LYPD6B: variants seen among roughly 807,000 people sequenced by gnomAD.
LYPD6B encodes the protein LY6/PLAUR domain containing 6B, also known as ly6/PLAUR domain-containing protein 6B.
In LYPD6B, 17 loss-of-function variants were observed where a neutral mutation model predicts 22.8. The observed-to-expected ratio is 0.75, with a 90% CI of 0.51 to 1.12. The LOEUF is 1.12. Ranked by LOEUF, LYPD6B falls within the 50% of genes most tolerant of loss-of-function variation. The pLI, the probability that LYPD6B is intolerant of heterozygous loss-of-function variation, is 0.00. For synonymous variants in LYPD6B, 106 were observed against 91.6 expected (o/e 1.16, Z -0.90); for missense variants, 221 against 258.3 (o/e 0.86, Z 0.99).
At chr2:149,188,822 G>A (rs548946796) in intron 3 of LYPD6B, 1 of 228,602 alleles carries the variant, frequency 4.4e-6, no homozygotes, top group East Asian at 1.8e-4. Context: ...TAGTCTAAGT[G>A]CCTTAAGACA....
At chr2:149,126,717 G>A (rs991489793) in intron 1 of LYPD6B, among the ~76,000 whole-genome samples, 6 of 152,098 alleles carry the variant, frequency 3.9e-5, no homozygotes, top group African/African-American at 1.4e-4. Context: ...CTGGGATATA[G>A]GGTGTCTCTG....
chr2:149,214,237 TAGA>T (rs1489050941), intron 6 of LYPD6B, among the ~76,000 whole-genome samples: 1 of 152,194 alleles, frequency 6.6e-6, no homozygotes, highest in East Asian at 1.9e-4. Context: ...TACAAACCTT[TAGA>T]AGATTTGTGG....
intron 2 of LYPD6B, chr2:149,131,176 G>A (rs1688006489): frequency 2.1e-6 from 1 of 481,826 alleles, no homozygotes; most frequent in Non-Finnish European, 3.6e-6. Context: ...TTGACACAAA[G>A]CTGTGTCTCA....
chr2:149,099,344 C>T (rs1186993727), intron 1 of LYPD6B, among the ~76,000 whole-genome samples: 1 of 152,154 alleles, frequency 6.6e-6, no homozygotes, highest in Non-Finnish European at 1.5e-5. Flanking sequence ...CCACTGGGGA[C>T]TGCCAGACCC....
chr2:149,112,652 G>A (rs958947005), intron 1 of LYPD6B, among the ~76,000 whole-genome samples: 2 of 152,066 alleles, frequency 1.3e-5, no homozygotes, highest in African/African-American at 4.8e-5. Context: ...GTTAGTATGA[G>A]GTTTAAGTGG....
At chr2:149,154,629 A>G (rs184522371) in intron 2 of LYPD6B, among the ~76,000 whole-genome samples, 3 of 134,886 alleles carry the variant, frequency 2.2e-5, no homozygotes, top group East Asian at 5.2e-4. Flanking sequence ...ATAGATATTC[A>G]TTGAGAATAT....
Position 149,188,192 on chromosome 2 carries a change from T to C in LYPD6B, c.78-17061T>C, listed in dbSNP as rs140508903. Among the ~76,000 whole-genome samples, 22 of 152,026 alleles carry C rather than the reference T, an allele frequency of 1.4e-4. No individual in the cohort carries two copies. In the East Asian group the frequency reaches 4.3e-3, roughly 30 times the overall value. On this transcript the variant is annotated intron_variant, in intron 3 of 6. Transcript: ENST00000409642. ...AGAGACAAGTGCACATTTAAACTAC[T>C]GATTATAAACATTATTTTCTCTCAT...
At chr2:149,187,872 T>G (rs547175613) in intron 3 of LYPD6B, among the ~76,000 whole-genome samples, 19 of 152,364 alleles carry the variant, frequency 1.2e-4, no homozygotes, top group Admixed American at 6.5e-4. Flanking sequence ...CCTTAGAGGG[T>G]ATAAATTGGA....
intron 1 of LYPD6B, among the ~76,000 whole-genome samples, chr2:149,105,600 C>G (rs777306960): frequency 4.3e-4 from 65 of 151,864 alleles, no homozygotes; most frequent in Middle Eastern, 6.8e-3. Flanking sequence ...TTTTTAATTC[C>G]TGATTGTTGC....
intron 1 of LYPD6B, among the ~76,000 whole-genome samples, chr2:149,067,717 T>C (rs917888641): frequency 3.4e-4 from 51 of 152,170 alleles, no homozygotes; most frequent in African/African-American, 9.9e-4. Flanking sequence ...TATTTAAATT[T>C]TATATAATTT....
intron 5 of LYPD6B, among the ~76,000 whole-genome samples, chr2:149,211,318 A>G (rs1175497766): frequency 6.6e-6 from 1 of 152,164 alleles, no homozygotes; most frequent in Non-Finnish European, 1.5e-5. Context: ...AATATTAAGT[A>G]TACTGAGGAG....
At chr2:149,211,876 A>C (rs771682488) in intron 5 of LYPD6B, among the ~76,000 whole-genome samples, 5 of 151,784 alleles carry the variant, frequency 3.3e-5, no homozygotes, top group Non-Finnish European at 7.3e-5. Flanking sequence ...AAGAACCCTA[A>C]GTAATAAAAT....
intron 1 of LYPD6B, among the ~76,000 whole-genome samples, chr2:149,078,058 C>T (rs1684956978): frequency 6.6e-6 from 1 of 152,172 alleles, no homozygotes; most frequent in African/African-American, 2.4e-5. Flanking sequence ...ACAGTCAACA[C>T]TGTTAATTCA....
At chr2:149,088,694 A>G (rs1272703489) in intron 1 of LYPD6B, among the ~76,000 whole-genome samples, 1 of 152,222 alleles carries the variant, frequency 6.6e-6, no homozygotes, top group East Asian at 1.9e-4. Flanking sequence ...ATAACATTCA[A>G]TGAAATTTAA....
chr2:149,078,043 A>G (rs1403430849), intron 1 of LYPD6B, among the ~76,000 whole-genome samples: 1 of 152,170 alleles, frequency 6.6e-6, no homozygotes, highest in Non-Finnish European at 1.5e-5. Context: ...CACTTGAGGA[A>G]TGTGACAGTC....
chr2:149,205,766 C>T (rs1212028440), intron 4 of LYPD6B, among the ~76,000 whole-genome samples: 1 of 152,122 alleles, frequency 6.6e-6, no homozygotes, highest in Non-Finnish European at 1.5e-5. Context: ...TTAATTCTTT[C>T]AAATGGCCAT....
chr2:149,084,723 A>C (rs1306159386), intron 1 of LYPD6B, among the ~76,000 whole-genome samples: 3 of 152,190 alleles, frequency 2.0e-5, no homozygotes, highest in Non-Finnish European at 4.4e-5. Flanking sequence ...TTTTACGAGG[A>C]ATGTTCAGAT....
intron 2 of LYPD6B, among the ~76,000 whole-genome samples, chr2:149,155,770 C>T (rs1689662770): frequency 6.6e-6 from 1 of 152,200 alleles, no homozygotes; most frequent in Admixed American, 6.5e-5. Context: ...GGCCTAATGC[C>T]TGCCTATGCT....
intron 3 of LYPD6B, chr2:149,187,427 T>C (rs1559064625): frequency 6.5e-7 from 1 of 1,528,396 alleles, no homozygotes; most frequent in Non-Finnish European, 8.8e-7. Context: ...ATTTTCTAGA[T>C]GTGAAAGGCA....
Sources: gnomAD v4.1 joint callset for allele counts (sites outside exome capture counted in the v4.1 genomes callset) on GRCh38, gnomAD v4.1.1 for gene constraint, MANE v1.5 for transcripts, NCBI Gene and HGNC (gene_info 2026-07-23, HGNC 2026-07-21) for gene names.